ASMTL: variants seen among roughly 807,000 people sequenced by gnomAD.
The protein encoded by ASMTL is probable bifunctional dTTP/UTP pyrophosphatase/methyltransferase protein.
A neutral mutation model predicts 60.3 loss-of-function variants in ASMTL; 57 were observed. That is an observed-to-expected ratio of 0.95 (90% CI 0.76 to 1.18). ASMTL has a LOEUF of 1.18. Ranked by LOEUF, ASMTL falls within the 50% of genes most tolerant of loss-of-function variation. ASMTL has a pLI of 0.00. For synonymous variants in ASMTL, 419 were observed against 373.0 expected (o/e 1.12, Z -1.42); for missense variants, 981 against 852.6 (o/e 1.15, Z -1.88).
chrX:1,439,699 TCA>T (rs1329449589), intron 2 of ASMTL, among the ~76,000 whole-genome samples: 15 of 151,242 alleles, frequency 9.9e-5, no homozygotes, highest in African/African-American at 3.6e-4. Context: ...ATACAAAATA[TCA>T]GTCGGGCACC....
chrX:1,403,775 T>C (rs2089683909), intron 12 of ASMTL, among the ~76,000 whole-genome samples: 1 of 151,944 alleles, frequency 6.6e-6, no homozygotes, highest in Non-Finnish European at 1.5e-5. Context: ...AGATGGTAGA[T>C]GATGGGTGGG....
chrX:1,421,292 G>A (rs2090478961), intron 9 of ASMTL, among the ~76,000 whole-genome samples: 1 of 152,012 alleles, frequency 6.6e-6, no homozygotes, highest in African/African-American at 2.4e-5. Flanking sequence ...GTAGAGATGG[G>A]GGTCTCACTA....
intron 8 of ASMTL, among the ~76,000 whole-genome samples, chrX:1,424,799 C>T (rs1423317147): frequency 6.6e-6 from 1 of 150,746 alleles, no homozygotes; most frequent in Non-Finnish European, 1.5e-5. Context: ...CTTACCCACC[C>T]ATCTACCCAC....
At position 1,421,848 on chromosome X, in the gene ASMTL, G is replaced by C; in HGVS notation, c.1061-6C>G. 2 of 1,613,756 alleles carry C rather than the reference G, an allele frequency of 1.2e-6. No individual in the cohort carries two copies. The highest frequency in any genetic ancestry group is 1.7e-6 in the Non-Finnish European group (2 of 1,179,676). ...TGTCTCTGTGTTACTGTAACCTGGA[G>C]AAATGGGGACAGTCGTGTGACCTCC... On this transcript the variant is annotated splice_region_variant and splice_polypyrimidine_tract_variant and intron_variant, in intron 8 of 12. Transcript: ENST00000381317.
chrX:1,433,966 G>C (rs2090887390), intron 5 of ASMTL, among the ~76,000 whole-genome samples: 1 of 152,190 alleles, frequency 6.6e-6, no homozygotes, highest in African/African-American at 2.4e-5. Flanking sequence ...TGAGCGGCAG[G>C]TGGGTGAGAA....
At chrX:1,452,319 C>T (rs1291680938) in intron 1 of ASMTL, among the ~76,000 whole-genome samples, 1 of 145,278 alleles carries the variant, frequency 6.9e-6, no homozygotes, top group Non-Finnish European at 1.5e-5. Flanking sequence ...ATCCCCAACC[C>T]TGGAGGTCCC....
intron 1 of ASMTL, among the ~76,000 whole-genome samples, chrX:1,443,630 TCG>T (rs2149344369): frequency 6.8e-6 from 1 of 147,182 alleles, no homozygotes; most frequent in Non-Finnish European, 1.5e-5. Flanking sequence ...GACACCGCCA[TCG>T]TGGACAGACA....
At chrX:1,442,075 A>G in intron 2 of ASMTL, 111 bp downstream of exon 2, 1 of 1,286,546 alleles carries the variant, frequency 7.8e-7, no homozygotes, top group Non-Finnish European at 1.1e-6. Flanking sequence ...CTGTGCCACC[A>G]ACTGCATCTT....
At chrX:1,417,894 C>T in intron 11 of ASMTL, 79 bp downstream of exon 11, 4 of 1,517,614 alleles carry the variant, frequency 2.6e-6, no homozygotes, top group Middle Eastern at 4.7e-4. Context: ...CACAGGTGCA[C>T]ACACAGCCAT....
chrX:1,446,553 G>A (rs1475116576), intron 1 of ASMTL, among the ~76,000 whole-genome samples: 3 of 146,530 alleles, frequency 2.0e-5, no homozygotes, highest in African/African-American at 5.1e-5. Context: ...AGGCTGGAGT[G>A]CAGTGGTGCC....
intron 6 of ASMTL, chrX:1,431,797 T>C (rs1481203643): frequency 3.4e-4 from 54 of 158,976 alleles, no homozygotes; most frequent in Admixed American, 7.2e-4. Flanking sequence ...ATATAATACA[T>C]ATAAACGCAA....
intron 1 of ASMTL, among the ~76,000 whole-genome samples, chrX:1,444,088 A>G (rs777201291): frequency 6.6e-6 from 1 of 152,342 alleles, no homozygotes; most frequent in African/African-American, 2.4e-5. Context: ...CTCTGTGACC[A>G]GAAACCTCCC....
intron 3 of ASMTL, among the ~76,000 whole-genome samples, chrX:1,437,669 G>A (rs1258279452): frequency 4.6e-5 from 7 of 151,744 alleles, no homozygotes; most frequent in East Asian, 2.0e-4. Flanking sequence ...ATGCCGAGGC[G>A]GGTGGATCAC....
rs753565127 is a variant in ASMTL at position 1,428,067 on chromosome X, G to C, written c.564C>G (p.Ser188=). The change falls in exon 7 of 13, where the codon TCC becomes TCG. Residue 188 remains serine, a synonymous_variant. Coordinates refer to ENST00000381317, the MANE Select transcript of ASMTL (RefSeq NM_004192.4). ...IQALGGMLVE[S]VHGDFLNVVG... ...CCACGTTCAGAAAGTCCCCGTGTAC[G>C]GACTCCACCAGCATGCCGCCCAGGG... 2.2e-5 allele frequency: 36 copies of C among 1,613,256 alleles called. No individual in the cohort carries two copies. Among genetic ancestry groups the C allele is most frequent in the Non-Finnish European group, 3.0e-5 (35 of 1,179,466 alleles).
At position 1,435,066 on chromosome X, in the gene ASMTL, T is replaced by C. The variant is rs1362640283; in HGVS notation, c.356A>G (p.His119Arg). The change falls in exon 5 of 13, where the codon CAC becomes CGC. Residue 119 changes from histidine to arginine, a missense_variant. Physicochemically the swap from His to Arg is conservative, Grantham distance 29. Coordinates refer to ENST00000381317, the MANE Select transcript of ASMTL (RefSeq NM_004192.4). Reference sequence around the variant, plus strand: ...GATCGCGACACCTGTGAACACGCTGTGTTCTCTCCCACTCAACCTGTAAGA... The same window carrying C: ...GATCGCGACACCTGTGAACACGCTGCGTTCTCTCCCACTCAACCTGTAAGA... ...RMLSRLSGRE[H>R]SVFTGVAIVH... is the part of the protein sequence containing the mutation. The C allele has an allele frequency of 2.5e-6, 4 of 1,613,868 alleles. No individual in the cohort carries two copies. The Admixed American group carries it at 5.0e-5, about 20-fold the overall frequency.
intron 3 of ASMTL, among the ~76,000 whole-genome samples, chrX:1,436,304 G>A (rs2090962104): frequency 6.6e-6 from 1 of 152,176 alleles, no homozygotes; most frequent in South Asian, 2.1e-4. Flanking sequence ...CTCCCGAGTT[G>A]CTGGGAATAC....
rs747154249 is a variant in ASMTL at position 1,435,767 on chromosome X, G to C, written c.274-9C>G. Reference sequence around the variant, plus strand: ...ATCAGCCCCCCGACTGTCTGTGAGAGGAAGGGACAGAGGGAGTTGGTTCCC... The same window carrying C: ...ATCAGCCCCCCGACTGTCTGTGAGACGAAGGGACAGAGGGAGTTGGTTCCC... On this transcript the variant is annotated splice_polypyrimidine_tract_variant and intron_variant, in intron 3 of 12. Coordinates refer to ENST00000381317, the MANE Select transcript of ASMTL (RefSeq NM_004192.4). 2.0e-5 allele frequency: 33 copies of C among 1,613,062 alleles called. No homozygotes were observed. The highest frequency in any genetic ancestry group is 2.7e-5 in the Non-Finnish European group (32 of 1,179,426).
At chrX:1,436,564 G>T (rs373543309) in intron 3 of ASMTL, among the ~76,000 whole-genome samples, 2 of 152,140 alleles carry the variant, frequency 1.3e-5, no homozygotes, top group African/African-American at 4.8e-5. Flanking sequence ...ATGTTGGCCA[G>T]GATGGTCTCG....
rs767672129 is a variant in ASMTL at position 1,414,879 on chromosome X, G to A, written c.1523-2025C>T. The stretch of plus-strand genomic sequence containing the variant: ...GGTTGTGGAGGTCCCCAGCACCTGT[G>A]CCCACAGGCCTGGCCGCTGTCGGAT... On this transcript the variant is annotated intron_variant, in intron 11 of 12. Coordinates refer to ENST00000381317, the MANE Select transcript of ASMTL (RefSeq NM_004192.4). Among the ~76,000 whole-genome samples the A allele has an allele frequency of 1.4e-3, 206 of 152,206 alleles. 2 individuals are homozygous for A. The highest frequency in any genetic ancestry group is 4.8e-3 in the African/African-American group (199 of 41,552).
Sources: gnomAD v4.1 joint callset for allele counts (sites outside exome capture counted in the v4.1 genomes callset) on GRCh38, gnomAD v4.1.1 for gene constraint, MANE v1.5 for transcripts, NCBI Gene and HGNC (gene_info 2026-07-23, HGNC 2026-07-21) for gene names.